ZBTB17: variants seen among roughly 807,000 people sequenced by gnomAD.
ZBTB17 encodes the protein zinc finger and BTB domain-containing protein 17.
A neutral mutation model predicts 85.1 loss-of-function variants in ZBTB17; 24 were observed. That is an observed-to-expected ratio of 0.28 (90% confidence interval 0.20 to 0.40). The LOEUF (loss-of-function observed/expected upper bound fraction) is 0.40, where lower values mean the gene tolerates loss of function less well. Ranked by LOEUF, ZBTB17 falls within the 10% of genes least tolerant of loss-of-function variation. The pLI, the probability that ZBTB17 is intolerant of heterozygous loss-of-function variation, is 1.00. For missense variants in ZBTB17, 743 were observed against 1,105.1 expected, an observed-to-expected ratio of 0.67 and a Z score of 4.65; for synonymous variants, 464 against 460.2, an observed-to-expected ratio of 1.01 and a Z score of -0.11.
At chr1:15,947,928 C>T (rs769500343) in intron 3 of ZBTB17, among the ~76,000 whole-genome samples, 26 of 152,240 alleles carry the variant, frequency 1.7e-4, no homozygotes, top group Non-Finnish European at 3.4e-4. Flanking sequence ...CCTCTCCCCA[C>T]GCTTCTAGTT....
intron 2 of ZBTB17, among the ~76,000 whole-genome samples, chr1:15,960,373 T>C (rs1158043819): frequency 1.3e-5 from 2 of 152,174 alleles, no homozygotes; most frequent in Admixed American, 1.3e-4. Context: ...GCTGATAAAT[T>C]ATAGAAAACA....
rs2071538188 is a variant in ZBTB17 at position 15,945,055 on chromosome 1, T to G, written c.809A>C (p.Glu270Ala). 2 of 1,611,300 alleles carry G rather than the reference T, an allele frequency of 1.2e-6. No individual in the cohort carries two copies. Among genetic ancestry groups the G allele is most frequent in the Admixed American group, 1.7e-5 (1 of 59,790 alleles). The part of the protein sequence containing the change: ...GEAPEENENE[E>A]SAGTDSGQEL... Reference sequence around the variant, plus strand: ...CTGCCCCGAGTCTGTGCCCGCTGACTCCTCATTCTCGTTCTCCTCGGGGGC... The same window carrying G: ...CTGCCCCGAGTCTGTGCCCGCTGACGCCTCATTCTCGTTCTCCTCGGGGGC... The change falls in exon 7 of 16, where the codon GAG becomes GCG. Residue 270 changes from glutamate (E) to alanine (A), a missense_variant. Physicochemically the swap from Glu to Ala is moderately radical, Grantham distance 107. Coordinates refer to ENST00000375743, the MANE Select transcript of ZBTB17 (RefSeq NM_003443.3).
intron 1 of ZBTB17, among the ~76,000 whole-genome samples, chr1:15,974,463 C>T (rs375244058): frequency 6.6e-6 from 1 of 151,358 alleles, no homozygotes; most frequent in African/African-American, 2.4e-5. Flanking sequence ...AGTAAGCCAC[C>T]GCACCTGGCC....
chr1:15,969,314 A>G (rs956231781), intron 2 of ZBTB17, among the ~76,000 whole-genome samples: 1 of 152,194 alleles, frequency 6.6e-6, no homozygotes, highest in Non-Finnish European at 1.5e-5. Flanking sequence ...TTCATTATAT[A>G]TTACAATGTA....
At chr1:15,972,642 A>G (rs551475629) in intron 2 of ZBTB17, among the ~76,000 whole-genome samples, 2 of 152,330 alleles carry the variant, frequency 1.3e-5, no homozygotes, top group East Asian at 3.9e-4. Context: ...GGACCATGAG[A>G]TGGAAGCCTA....
At position 15,966,536 on chromosome 1, in the gene ZBTB17, T is replaced by A. The variant is rs1260300745; in HGVS notation, c.-3+6503A>T. On this transcript the variant is annotated intron_variant, in intron 2 of 15. Coordinates refer to ENST00000375743, the MANE Select transcript of ZBTB17 (RefSeq NM_003443.3). The surrounding 1 kb of genome is among the most constrained non-coding windows in gnomAD (Gnocchi z 4.1). ...GTTCTAACCATGCCCTTTGCTTCCT[T>A]CCTTTGAAGCCCAGCCCTACGAACC... Among the ~76,000 whole-genome samples the A allele has an allele frequency of 1.3e-5, 2 of 152,174 alleles. No homozygotes were observed. The highest frequency in any genetic ancestry group is 2.4e-5 in the African/African-American group (1 of 41,434).
chr1:15,975,862 C>T, intron 1 of ZBTB17, 121 bp downstream of exon 1: 1 of 624,032 alleles, frequency 1.6e-6, no homozygotes, highest in East Asian at 3.1e-5. Flanking sequence ...GTTGGCGTCC[C>T]ATTCCACTTC....
intron 2 of ZBTB17, among the ~76,000 whole-genome samples, chr1:15,957,905 G>C (rs994718418): frequency 1.3e-5 from 2 of 152,284 alleles, no homozygotes; most frequent in African/African-American, 4.8e-5. Flanking sequence ...GAGACTCCGT[G>C]GGGGGAATCA....
Position 15,945,179 on chromosome 1 carries a change from T to G in ZBTB17, c.685A>C (p.Lys229Gln). The G allele has an allele frequency of 6.4e-7, 1 of 1,557,920 alleles. No homozygotes were observed. The highest frequency in any genetic ancestry group is 8.7e-7 in the Non-Finnish European group (1 of 1,150,468). ...TGCTCCTTTTGCTCCTCTTCCCCTT[T>G]CCGGGCGGGCTCCACCTCCATTTCT... ...EQEMEVEPAR[K>Q]GEEEQKEQEE... Residue 229 changes from lysine (K) to glutamine (Q), a missense_variant, in exon 7 of 16, where the codon AAA (lysine) becomes CAA (glutamine). Lys to Gln is a moderately conservative substitution (Grantham distance 53). This residue lies in a region of ZBTB17 where 279 missense variants were observed against 269.9 expected (regional missense o/e 1.03). Coordinates refer to ENST00000375743, the MANE Select transcript of ZBTB17 (RefSeq NM_003443.3).
intron 6 of ZBTB17, among the ~76,000 whole-genome samples, 164 bp from the exon 7 acceptor site, chr1:15,945,366 G>A: frequency 6.6e-6 from 1 of 152,242 alleles, no homozygotes; most frequent in East Asian, 1.9e-4. Flanking sequence ...CGGGATGCAG[G>A]TAGGGGGCTT....
chr1:15,950,422 A>G (rs1226661792), intron 2 of ZBTB17, among the ~76,000 whole-genome samples: 1 of 152,206 alleles, frequency 6.6e-6, no homozygotes, highest in African/African-American at 2.4e-5. Context: ...GCAACCCTAG[A>G]GCTGTCTTCT....
At chr1:15,957,834 T>C (rs1042519769) in intron 2 of ZBTB17, among the ~76,000 whole-genome samples, 3 of 152,096 alleles carry the variant, frequency 2.0e-5, no homozygotes, top group African/African-American at 4.8e-5. Flanking sequence ...CTAAGATCTG[T>C]GCCCGGAGAC....
In ZBTB17 at chr1:15,942,525, G is replaced by A. The variant is rs746081749; in HGVS notation, c.2038+4C>T. 15 of 1,610,296 alleles carry A rather than the reference G, an allele frequency of 9.3e-6. No homozygotes were observed. The highest frequency in any genetic ancestry group is 4.4e-5 in the South Asian group (4 of 91,082). On this transcript the variant is annotated splice_donor_region_variant and intron_variant, in intron 14 of 15. Coordinates refer to ENST00000375743, the MANE Select transcript of ZBTB17 (RefSeq NM_003443.3). ...GACTTCCCTCTGCTGCCCACAGCCC[G>A]CACCTGTGAGCTGAGTGACGGCTGT...
At position 15,941,913 on chromosome 1, in the gene ZBTB17, T is replaced by C; in HGVS notation, c.*56A>G. On this transcript the variant is annotated 3_prime_UTR_variant, in exon 16 of 16. Coordinates refer to ENST00000375743, the MANE Select transcript of ZBTB17 (RefSeq NM_003443.3). ...ATTCTCTCTAGGGAACAGGCCACCC[T>C]TCCCGGTTCCAGGGTGCCATCCATC... The C allele has an allele frequency of 1.9e-6, 3 of 1,550,208 alleles. No individual in the cohort carries two copies. The highest frequency in any genetic ancestry group is 2.6e-6 in the Non-Finnish European group (3 of 1,152,242).
intron 9 of ZBTB17, 33 bp from the exon 10 acceptor site, chr1:15,943,928 C>T (rs150115566): frequency 1.9e-6 from 3 of 1,559,264 alleles, no homozygotes; most frequent in Non-Finnish European, 2.6e-6. Context: ...GGGGCCACCC[C>T]ACAGAGCTCG....
chr1:15,963,339 G>A (rs2072325361), intron 2 of ZBTB17, among the ~76,000 whole-genome samples: 2 of 152,122 alleles, frequency 1.3e-5, no homozygotes, highest in African/African-American at 4.8e-5. Context: ...GATAGTAAGA[G>A]GAGTTAAAAA....
At chr1:15,944,167 G>T in intron 9 of ZBTB17, 133 bp downstream of exon 9, 1 of 1,351,188 alleles carries the variant, frequency 7.4e-7, no homozygotes, top group Non-Finnish European at 1.0e-6. Context: ...CGCTGCGCCT[G>T]TTTCCTGGGT....
rs1028317819 is a variant in ZBTB17, at chr1:15,952,549, C to T, written c.-2-4052G>A. Among the ~76,000 whole-genome samples the T allele has an allele frequency of 1.3e-5, 2 of 152,254 alleles. No individual in the cohort carries two copies. Among genetic ancestry groups the T allele is most frequent in the Non-Finnish European group, 2.9e-5 (2 of 68,050 alleles). On this transcript the variant is annotated intron_variant, in intron 2 of 15. Transcript: ENST00000375743. This position sits in a 1 kb window ranked among gnomAD's most constrained non-coding sequence, Gnocchi z 4.3. ...ATGGAGAGACGGTGTCTGTTTCCCT[C>T]CTGTCGGAATCTGGATGGCCCAGAG... is the stretch of plus-strand genomic sequence containing the variant.
Position 15,951,053 on chromosome 1 carries a change from CAA to C in ZBTB17, c.-2-2558_-2-2557del, listed in dbSNP as rs2148775484. Among the ~76,000 whole-genome samples, 1 of 152,298 alleles carries C rather than the reference CAA, an allele frequency of 6.6e-6. No homozygotes were observed. Among genetic ancestry groups the C allele is most frequent in the Non-Finnish European group, 1.5e-5 (1 of 68,010 alleles). ...CAGCCCCCCACATACCACCACCCGC[CAA>C]GAGAGCAGCTGTGTGCCCATGAGCA... On this transcript the variant is annotated intron_variant, in intron 2 of 15. Transcript: ENST00000375743. This position sits in a 1 kb window ranked among gnomAD's most constrained non-coding sequence, Gnocchi z 4.1.
Sources: gnomAD v4.1 joint callset for allele counts (sites outside exome capture counted in the v4.1 genomes callset) on GRCh38, gnomAD v4.1.1 for gene constraint, gnomAD v4.1.1 regional missense constraint, Gnocchi (gnomAD v3.1) non-coding constraint, MANE v1.5 for transcripts, NCBI Gene and HGNC (gene_info 2026-07-23, HGNC 2026-07-21) for gene names.